Variants in PCBP3 observed in about 807,000 individuals in gnomAD.
The protein encoded by PCBP3 is poly(rC)-binding protein 3.
PCBP3 carries 25 observed loss-of-function variants against 52.7 expected under a neutral mutation model. That is an observed-to-expected ratio of 0.47 (90% CI 0.35 to 0.66). The LOEUF (loss-of-function observed/expected upper bound fraction) is 0.66, where lower values mean the gene tolerates loss of function less well. Ranked by LOEUF, PCBP3 falls within the 30% of genes least tolerant of loss-of-function variation. PCBP3 has a pLI of 0.01. For synonymous variants in PCBP3, 162 were observed against 183.0 expected (o/e 0.89, Z 0.93); for missense variants, 391 against 490.3 (o/e 0.80, Z 1.91).
chr21:45,792,337 G>T (rs1258846672), intron 4 of PCBP3, among the ~76,000 whole-genome samples: 1 of 152,232 alleles, frequency 6.6e-6, no homozygotes, highest in Non-Finnish European at 1.5e-5. Context: ...GGGTCTGGCT[G>T]GCCCACCGAG....
At chr21:45,890,437 G>A (rs565590456) in intron 5 of PCBP3, among the ~76,000 whole-genome samples, 3 of 152,092 alleles carry the variant, frequency 2.0e-5, no homozygotes, top group Non-Finnish European at 4.4e-5. Flanking sequence ...ACTGCTCAGG[G>A]GAATGTGGAT....
chr21:45,701,997 C>A (rs58619218), intron 2 of PCBP3, among the ~76,000 whole-genome samples: 68 of 152,250 alleles, frequency 4.5e-4, no homozygotes, highest in African/African-American at 1.6e-3. Flanking sequence ...TAATCTGTTG[C>A]GATACATTGT....
intron 5 of PCBP3, chr21:45,859,825 T>A (rs2094445418): frequency 6.6e-6 from 1 of 152,346 alleles, no homozygotes; most frequent in Non-Finnish European, 1.5e-5. Context: ...GAGAGACATG[T>A]CAGCTGAGGA....
intron 5 of PCBP3, chr21:45,870,710 G>C (rs960611588): frequency 2.0e-5 from 3 of 152,582 alleles, no homozygotes; most frequent in Non-Finnish European, 4.4e-5. Context: ...CCCACCGCCT[G>C]CCACGCGACC....
At chr21:45,784,906 C>T (rs2090986916) in intron 4 of PCBP3, among the ~76,000 whole-genome samples, 1 of 152,098 alleles carries the variant, frequency 6.6e-6, no homozygotes, top group Non-Finnish European at 1.5e-5. Flanking sequence ...TGATGAGTGT[C>T]TCTGCCTGGC....
chr21:45,929,692 C>T (rs534759658), intron 13 of PCBP3, among the ~76,000 whole-genome samples: 12 of 152,350 alleles, frequency 7.9e-5, no homozygotes, highest in African/African-American at 2.4e-4. Flanking sequence ...GAGAAGACAG[C>T]GGCTTCCGGA....
At chr21:45,760,301 TGA>T (rs1603396574) in intron 4 of PCBP3, 2 of 152,182 alleles carry the variant, frequency 1.3e-5, no homozygotes, top group East Asian at 3.9e-4. Context: ...CTCAGCCTCC[TGA>T]GCACCTGGAA....
chr21:45,701,658 T>G, intron 2 of PCBP3, among the ~76,000 whole-genome samples: 1 of 152,178 alleles, frequency 6.6e-6, no homozygotes, highest in East Asian at 1.9e-4. Context: ...CCTCACAATC[T>G]CAAGCAATTC....
At chr21:45,839,003 T>C (rs1352861597) in intron 4 of PCBP3, among the ~76,000 whole-genome samples, 1 of 152,238 alleles carries the variant, frequency 6.6e-6, no homozygotes, top group African/African-American at 2.4e-5. Flanking sequence ...TTTTAAGTTT[T>C]TTAATCTTTC....
intron 4 of PCBP3, among the ~76,000 whole-genome samples, chr21:45,834,136 C>T (rs779370259): frequency 2.0e-5 from 3 of 152,072 alleles, no homozygotes; most frequent in Non-Finnish European, 4.4e-5. Context: ...CACGAGTCCA[C>T]GGGGCCCAGG....
chr21:45,757,046 A>G (rs2088123252), intron 4 of PCBP3, among the ~76,000 whole-genome samples: 1 of 152,234 alleles, frequency 6.6e-6, no homozygotes, highest in South Asian at 2.1e-4. Flanking sequence ...GTTTATATGT[A>G]GAAGTAGAAG....
intron 4 of PCBP3, among the ~76,000 whole-genome samples, chr21:45,822,570 G>A (rs1017238746): frequency 1.3e-5 from 2 of 151,702 alleles, no homozygotes; most frequent in Non-Finnish European, 2.9e-5. Context: ...ACCTGGCATG[G>A]GACAGGATTA....
intron 4 of PCBP3, among the ~76,000 whole-genome samples, chr21:45,813,913 A>T (rs4819152): frequency 6.6e-6 from 1 of 152,076 alleles, no homozygotes; most frequent in Non-Finnish European, 1.5e-5. Flanking sequence ...TATGATGTTC[A>T]TTGGATAGTC....
intron 13 of PCBP3, among the ~76,000 whole-genome samples, chr21:45,921,068 T>G (rs922223942): frequency 1.3e-5 from 2 of 152,306 alleles, no homozygotes; most frequent in Non-Finnish European, 2.9e-5. Context: ...CGTGTAAAAT[T>G]GAAGACTTGG....
At position 45,724,681 on chromosome 21, in the gene PCBP3, G is replaced by A; in HGVS notation, c.-199-10711G>A. Among the ~76,000 whole-genome samples, 1 of 152,082 alleles carries A rather than the reference G, an allele frequency of 6.6e-6. No individual in the cohort carries two copies. The highest frequency in any genetic ancestry group is 1.5e-5 in the Non-Finnish European group (1 of 68,014). ...AGTGATGGGGAACAGCAAGGGTGGG[G>A]TGCCTCGGTGGGATCTGAAAGAGAA... On this transcript the variant is annotated intron_variant, in intron 2 of 17. Transcript: ENST00000681687. This position sits in a 1 kb window ranked among gnomAD's most constrained non-coding sequence, Gnocchi z 5.3.
At chr21:45,932,866 G>T (rs1374443450) in intron 15 of PCBP3, among the ~76,000 whole-genome samples, 1 of 125,064 alleles carries the variant, frequency 8.0e-6, no homozygotes, top group Non-Finnish European at 1.7e-5. Context: ...TCCTGAGATG[G>T]ATGGACACCT....
At chr21:45,881,857 G>A (rs552119172) in intron 5 of PCBP3, among the ~76,000 whole-genome samples, 2 of 152,144 alleles carry the variant, frequency 1.3e-5, no homozygotes, top group African/African-American at 2.4e-5. Flanking sequence ...ATGTCCTCCA[G>A]GTTCATCCGC....
At chr21:45,811,431 T>G (rs1227457055) in intron 4 of PCBP3, among the ~76,000 whole-genome samples, 1 of 152,268 alleles carries the variant, frequency 6.6e-6, no homozygotes, top group African/African-American at 2.4e-5. Context: ...TTTGGAAAGA[T>G]TCTCCACTTT....
intron 2 of PCBP3, among the ~76,000 whole-genome samples, chr21:45,726,877 T>G: frequency 6.6e-6 from 1 of 152,258 alleles, no homozygotes; most frequent in East Asian, 1.9e-4. Flanking sequence ...GGGTTGTTTA[T>G]TTTCTTATTG....
Sources: gnomAD v4.1 joint callset for allele counts (sites outside exome capture counted in the v4.1 genomes callset) on GRCh38, gnomAD v4.1.1 for gene constraint, Gnocchi (gnomAD v3.1) non-coding constraint, MANE v1.5 for transcripts, NCBI Gene and HGNC (gene_info 2026-07-23, HGNC 2026-07-21) for gene names.